The following OVCH1 variants were observed in gnomAD, a reference collection of about 807,000 sequenced individuals.
OVCH1 encodes ovochymase-1.
Under a neutral mutation model 138.4 loss-of-function variants are expected in OVCH1, and 139 were observed. The observed-to-expected ratio is 1.00, with a 90% CI of 0.87 to 1.16. The LOEUF is 1.16. Among genes scored for constraint, OVCH1 ranks in the 50% most tolerant of loss-of-function variants. The probability of loss-of-function intolerance (pLI) is 0.00; values close to 1 mark genes in which losing one functional copy is unlikely to be tolerated. For synonymous variants in OVCH1, 453 were observed against 467.8 expected, an observed-to-expected ratio of 0.97 and a Z score of 0.41; for missense variants, 1,367 against 1,357.9, an observed-to-expected ratio of 1.01 and a Z score of -0.11.
intron 6 of OVCH1, among the ~76,000 whole-genome samples, chr12:29,488,336 G>A (rs1369925540): frequency 6.6e-6 from 1 of 151,978 alleles, no homozygotes; most frequent in African/African-American, 2.4e-5. Context: ...CAGAAAGCCT[G>A]GGCAGGGCAC....
chr12:29,453,307 T>C (rs1941851109), intron 21 of OVCH1, among the ~76,000 whole-genome samples: 2 of 152,164 alleles, frequency 1.3e-5, no homozygotes, highest in South Asian at 4.1e-4. Context: ...CCACTCCTTA[T>C]TCCTGGAAGA....
At chr12:29,496,750 G>T (rs1438212229) in intron 1 of OVCH1, 76 bp from the exon 2 acceptor site, 3 of 1,125,254 alleles carry the variant, frequency 2.7e-6, no homozygotes, top group African/African-American at 1.6e-5. Context: ...TTCCCATTTG[G>T]ATTTTCCTGG....
At chr12:29,472,997 A>T (rs746660201) in intron 15 of OVCH1, 32 bp downstream of exon 15, 26 of 1,559,220 alleles carry the variant, frequency 1.7e-5, no homozygotes, top group Non-Finnish European at 2.1e-5. Context: ...AAACAAGATT[A>T]AACAGATAGT....
intron 9 of OVCH1, 39 bp downstream of exon 10, chr12:29,478,796 C>A: frequency 7.0e-7 from 1 of 1,420,608 alleles, no homozygotes; most frequent in Non-Finnish European, 9.5e-7. Flanking sequence ...CTTTCAGATA[C>A]TCTAAAATGA....
At chr12:29,444,353 T>G in intron 23 of OVCH1, 73 bp from the exon 24 acceptor site, 1 of 1,440,354 alleles carries the variant, frequency 6.9e-7, no homozygotes, top group Non-Finnish European at 9.5e-7. Context: ...CCTTTTCAGA[T>G]CAAGGTAAAC....
chr12:29,460,034 T>A (rs1942078409), intron 19 of OVCH1, among the ~76,000 whole-genome samples: 1 of 152,238 alleles, frequency 6.6e-6, no homozygotes, highest in Non-Finnish European at 1.5e-5. Context: ...AGTAACTCAG[T>A]GTTCTTTGTA....
At chr12:29,411,499 G>A (rs954201374), downstream of OVCH1, among the ~76,000 whole-genome samples, 27 of 152,000 alleles carry the variant, frequency 1.8e-4, no homozygotes, top group African/African-American at 6.5e-4. Context: ...TGTCCTTTCC[G>A]TTTGTTAGTT....
In OVCH1 at chr12:29,461,913, T is replaced by TC. The variant is rs776711749; in HGVS notation, c.2220dup (p.Ile741AspfsTer30). Reference sequence around the variant, plus strand: ...CCAGCACAGATCATCTTCTCTGTGATCCCTCCTGGATGGGCAGAATAGTAA... The same window carrying TC: ...CCAGCACAGATCATCTTCTCTGTGATCCCCTCCTGGATGGGCAGAATAGTAA... On this transcript the variant is annotated frameshift_variant, in exon 19 of 28. Transcript: ENST00000318184. LOFTEE classifies it high-confidence loss of function. 1.2e-6 allele frequency: 2 copies of TC among 1,613,912 alleles called. No individual in the cohort carries two copies. Among genetic ancestry groups the TC allele is most frequent in the East Asian group, 4.5e-5 (2 of 44,880 alleles).
intron 16 of OVCH1, 145 bp downstream of exon 16, chr12:29,471,657 G>C (rs1222731888): frequency 1.5e-5 from 13 of 881,934 alleles, no homozygotes; most frequent in African/African-American, 3.5e-5. Flanking sequence ...TTAAATAGTA[G>C]CTAGATGGCT....
chr12:29,445,389 T>C, exon 23 of OVCH1: 1 of 1,609,380 alleles, frequency 6.2e-7, no homozygotes, highest in Non-Finnish European at 8.5e-7. Context: ...TAAAGTCTTC[T>C]TCCATGTAAT....
the OVCH1 span, among the ~76,000 whole-genome samples, chr12:29,404,442 G>A: frequency 1.3e-5 from 2 of 152,148 alleles, no homozygotes; most frequent in African/African-American, 2.4e-5. Flanking sequence ...TCTTTATCTC[G>A]CTGATTTCTG....
chr12:29,423,318 C>T (rs908235924), downstream of OVCH1: 37 of 454,082 alleles, frequency 8.1e-5, no homozygotes, highest in Middle Eastern at 1.3e-3. Context: ...AAGACATATT[C>T]GATAATTAAA....
chr12:29,436,344 G>A (rs1592036669), intron 26 of OVCH1, among the ~76,000 whole-genome samples: 1 of 150,598 alleles, frequency 6.6e-6, no homozygotes, highest in Non-Finnish European at 1.5e-5. Context: ...CATACTCCAA[G>A]TTATACCTCA....
chr12:29,437,222 A>G lies in OVCH1; in HGVS notation c.3264+2106T>C, dbSNP rs1941380538. On this transcript the variant is annotated intron_variant, in intron 26 of 27. Transcript: ENST00000318184. ...TTTAGAATCCTTTAGCTAGACAGAA[A>G]AGTTCTCCAAGTCCCCACCCAATCC... is the stretch of plus-strand genomic sequence containing the variant. 2.6e-5 allele frequency among the ~76,000 whole-genome samples: 4 copies of G among 152,254 alleles called. No homozygotes were observed. The Middle Eastern group carries it at 0.01, about 388-fold the overall frequency.
chr12:29,446,599 G>A (rs1234509815), intron 22 of OVCH1, among the ~76,000 whole-genome samples: 1 of 151,818 alleles, frequency 6.6e-6, no homozygotes, highest in Non-Finnish European at 1.5e-5. Flanking sequence ...AAAATTATAG[G>A]GATTCCTCAG....
chr12:29,459,449 T>A (rs981394062), intron 19 of OVCH1, among the ~76,000 whole-genome samples: 11 of 151,994 alleles, frequency 7.2e-5, no homozygotes, highest in African/African-American at 2.7e-4. Flanking sequence ...ACATAACTCA[T>A]GGGGATAGAG....
the OVCH1 span, among the ~76,000 whole-genome samples, chr12:29,403,783 T>A: frequency 6.6e-6 from 1 of 152,244 alleles, no homozygotes; most frequent in Non-Finnish European, 1.5e-5. Flanking sequence ...CACAGCAGTT[T>A]CTGGCCTGTA....
At chr12:29,496,307 C>T (rs1387583538) in intron 2 of OVCH1, 29 bp from the exon 3 acceptor site, 1 of 1,514,440 alleles carries the variant, frequency 6.6e-7, no homozygotes, top group Non-Finnish European at 9.0e-7. Flanking sequence ...ACAAATGCAG[C>T]TAATATGTCT....
At chr12:29,442,643 A>G (rs1003376104) in intron 25 of OVCH1, among the ~76,000 whole-genome samples, 1 of 150,756 alleles carries the variant, frequency 6.6e-6, no homozygotes, top group Non-Finnish European at 1.5e-5. Flanking sequence ...AAAAAAAAAT[A>G]AAAAAAAGAA....
Sources: allele counts gnomAD v4.1 joint callset (sites outside exome capture counted in the v4.1 genomes callset), GRCh38; gene constraint gnomAD v4.1.1; transcripts MANE v1.5; gene names NCBI Gene and HGNC (gene_info 2026-07-23, HGNC 2026-07-21).